Variants in RBMS3 observed in about 807,000 individuals in gnomAD.
RBMS3 encodes the protein RNA binding motif single stranded interacting protein 3.
A neutral mutation model predicts 66.8 loss-of-function variants in RBMS3; 27 were observed. That is an observed-to-expected ratio of 0.40 (90% CI 0.30 to 0.56). The LOEUF (loss-of-function observed/expected upper bound fraction) is 0.56, where lower values mean the gene tolerates loss of function less well. Ranked by LOEUF, RBMS3 falls within the 20% of genes least tolerant of loss-of-function variation. RBMS3 has a pLI of 0.40. For synonymous variants in RBMS3, 188 were observed against 183.0 expected (o/e 1.03, Z -0.22); for missense variants, 513 against 549.5 (o/e 0.93, Z 0.66).
chr3:29,434,804 GCAACAACAGCAGCAA>G lies in RBMS3; in HGVS notation c.143_157del (p.Asn48_Asn52del), dbSNP rs770354911. On this transcript the variant is annotated inframe_deletion, in exon 2 of 15. Transcript: ENST00000383767. ...CCCAGCCCCAGCACAAACAGCAGCA[GCAACAACAGCAGCAA>G]CAACAGCAGCGGGGAACAGTTGAGT... is the stretch of plus-strand genomic sequence containing the variant. 5 of 1,613,844 alleles carry G rather than the reference GCAACAACAGCAGCAA, an allele frequency of 3.1e-6. No homozygotes were observed. The highest frequency in any genetic ancestry group is 2.5e-6 in the Non-Finnish European group (3 of 1,179,836).
intron 2 of RBMS3, among the ~76,000 whole-genome samples, chr3:29,486,814 A>G (rs938404308): frequency 1.8e-4 from 27 of 152,188 alleles, no homozygotes; most frequent in Admixed American, 1.8e-3. Flanking sequence ...TCAGTTTAGA[A>G]GGTTCTTATA....
At chr3:29,856,287 T>G (rs1056436940) in intron 6 of RBMS3, among the ~76,000 whole-genome samples, 2 of 152,080 alleles carry the variant, frequency 1.3e-5, no homozygotes, top group Non-Finnish European at 2.9e-5. Context: ...TTTATGGGAA[T>G]TTGGTGGGGT....
chr3:29,932,448 A>G (rs2061153685), intron 10 of RBMS3, among the ~76,000 whole-genome samples: 1 of 152,174 alleles, frequency 6.6e-6, no homozygotes, highest in Non-Finnish European at 1.5e-5. Flanking sequence ...AATCACCTGG[A>G]GAGCTTGTTA....
chr3:29,727,905 C>CA (rs1476859432), intron 4 of RBMS3, among the ~76,000 whole-genome samples: 2 of 152,126 alleles, frequency 1.3e-5, no homozygotes, highest in Admixed American at 6.5e-5. Context: ...GACACATGCA[C>CA]ATGTATGTTT....
intron 4 of RBMS3, among the ~76,000 whole-genome samples, chr3:29,648,093 C>T (rs1393937238): frequency 1.3e-5 from 2 of 152,012 alleles, no homozygotes; most frequent in African/African-American, 4.8e-5. Flanking sequence ...TTTATAAATA[C>T]ATTTGCAATA....
chr3:29,727,436 A>G (rs1335262274), intron 4 of RBMS3, among the ~76,000 whole-genome samples: 2 of 152,232 alleles, frequency 1.3e-5, no homozygotes, highest in Non-Finnish European at 2.9e-5. Flanking sequence ...TGCAAACTAC[A>G]GAATGGGAGA....
At position 29,957,271 on chromosome 3, in the gene RBMS3, T is replaced by G. The variant is rs377624135; in HGVS notation, c.1098+13017T>G. Among the ~76,000 whole-genome samples the G allele has an allele frequency of 2.2e-4, 33 of 152,244 alleles. No homozygotes were observed. In the South Asian group the frequency reaches 6.6e-3, roughly 31 times the overall value. ...ACTCTTAGAGCAGAGACTATTCATA[T>G]TTACCTTATTTCTCCATAATCCAGC... is the stretch of plus-strand genomic sequence containing the variant. On this transcript the variant is annotated intron_variant, in intron 12 of 14. Coordinates refer to ENST00000383767, the MANE Select transcript of RBMS3 (RefSeq NM_001003793.3).
chr3:29,804,689 G>A lies in RBMS3; in HGVS notation c.637+41700G>A, dbSNP rs150464910. ...TCTGGAAACCAGAAATAGGCTAGTC[G>A]TTCTTGGAAATTTCACTCTATTTCT... On this transcript the variant is annotated intron_variant, in intron 6 of 14. Coordinates refer to ENST00000383767, the MANE Select transcript of RBMS3 (RefSeq NM_001003793.3). 1.5e-3 allele frequency among the ~76,000 whole-genome samples: 230 copies of A among 152,030 alleles called. 1 individual carries two copies. Among genetic ancestry groups the A allele is most frequent in the Non-Finnish European group, 2.5e-3 (173 of 67,904 alleles).
intron 1 of RBMS3, among the ~76,000 whole-genome samples, chr3:29,386,473 C>T (rs1453816845): frequency 6.6e-6 from 1 of 152,110 alleles, no homozygotes; most frequent in Non-Finnish European, 1.5e-5. Flanking sequence ...TATCCTTATA[C>T]TCTTCTTTCT....
In RBMS3 at chr3:29,572,706, A is replaced by C. The variant is rs535166508; in HGVS notation, c.308-14408A>C. 3.3e-5 allele frequency among the ~76,000 whole-genome samples: 5 copies of C among 152,340 alleles called. No homozygotes were observed. The South Asian group carries it at 1.0e-3, about 32-fold the overall frequency. On this transcript the variant is annotated intron_variant, in intron 3 of 14. Transcript: ENST00000383767. ...GAAGATTTTTGTGTCAATATTAATC[A>C]GAGATATTGGCCTGTAGTTTTCTTT... is the stretch of plus-strand genomic sequence containing the variant.
chr3:29,549,059 GTTTT>G (rs5847579), intron 3 of RBMS3, among the ~76,000 whole-genome samples: 21 of 85,340 alleles, frequency 2.5e-4, no homozygotes, highest in African/African-American at 8.4e-4. Context: ...TCCTACTTCT[GTTTT>G]TTTTTTTTTT....
chr3:29,977,630 A>G (rs962914829), intron 12 of RBMS3, among the ~76,000 whole-genome samples: 5 of 152,122 alleles, frequency 3.3e-5, no homozygotes. Flanking sequence ...ATGGTTATTC[A>G]GTGCTCCTAC....
intron 4 of RBMS3, among the ~76,000 whole-genome samples, chr3:29,608,129 A>G (rs1208659348): frequency 2.0e-5 from 3 of 151,758 alleles, no homozygotes; most frequent in African/African-American, 7.3e-5. Context: ...ATATTTATAG[A>G]TAAAATAATA....
intron 3 of RBMS3, among the ~76,000 whole-genome samples, chr3:29,552,865 T>C (rs896381363): frequency 2.0e-5 from 3 of 152,092 alleles, no homozygotes; most frequent in Non-Finnish European, 1.5e-5. Context: ...GGGTAGTAAA[T>C]GGTATCTCTA....
rs544900835 is a variant in RBMS3, at chr3:29,435,381, T to G, written c.248+466T>G. Among the ~76,000 whole-genome samples, 22 of 152,304 alleles carry G rather than the reference T, an allele frequency of 1.4e-4. No homozygotes were observed. In the Middle Eastern group the frequency reaches 0.017, roughly 118 times the overall value. On this transcript the variant is annotated intron_variant, in intron 2 of 14. Coordinates refer to ENST00000383767, the MANE Select transcript of RBMS3 (RefSeq NM_001003793.3). ...ATGTCCGTTCAGCCAGGACCATGTA[T>G]TTGGAGAAGCATAAGACTAATCCTC...
intron 6 of RBMS3, among the ~76,000 whole-genome samples, chr3:29,850,726 G>A (rs1348742141): frequency 5.9e-5 from 9 of 152,098 alleles, no homozygotes; most frequent in Non-Finnish European, 1.2e-4. Flanking sequence ...CTTTAGGTTT[G>A]GTAATGGAAG....
chr3:29,577,606 T>C (rs1049848285), intron 3 of RBMS3, among the ~76,000 whole-genome samples: 1 of 152,208 alleles, frequency 6.6e-6, no homozygotes, highest in African/African-American at 2.4e-5. Context: ...AGATGGATGA[T>C]TCTTCTCTGG....
intron 4 of RBMS3, among the ~76,000 whole-genome samples, chr3:29,685,264 T>A (rs1038472828): frequency 6.6e-6 from 1 of 152,128 alleles, no homozygotes; most frequent in Non-Finnish European, 1.5e-5. Context: ...GGTTTCACCA[T>A]GTTAGCCAGG....
At chr3:29,825,298 A>C (rs1466387895) in intron 6 of RBMS3, among the ~76,000 whole-genome samples, 1 of 151,976 alleles carries the variant, frequency 6.6e-6, no homozygotes, top group Non-Finnish European at 1.5e-5. Flanking sequence ...CATCCTCCCA[A>C]TGTGCTGGGA....
Sources: gnomAD v4.1 joint callset for allele counts (sites outside exome capture counted in the v4.1 genomes callset) on GRCh38, gnomAD v4.1.1 for gene constraint, MANE v1.5 for transcripts, NCBI Gene and HGNC (gene_info 2026-07-23, HGNC 2026-07-21) for gene names.